The following MACROD2 variants were observed in gnomAD, a reference collection of about 807,000 sequenced individuals.
MACROD2 encodes the protein ADP-ribose glycohydrolase MACROD2.
Under a neutral mutation model 70.4 loss-of-function variants are expected in MACROD2, and 36 were observed. That is an observed-to-expected ratio of 0.51 (90% confidence interval 0.39 to 0.68). The LOEUF is 0.68. Among genes scored for constraint, MACROD2 ranks in the 30% least tolerant of loss-of-function variants. The pLI, the probability that MACROD2 is intolerant of heterozygous loss-of-function variation, is 0.00. For synonymous variants in MACROD2, 172 were observed against 178.8 expected (o/e 0.96, Z 0.30); for missense variants, 496 against 538.4 (o/e 0.92, Z 0.78).
chr20:15,095,198 T>A (rs900478775), intron 5 of MACROD2, among the ~76,000 whole-genome samples: 4 of 146,242 alleles, frequency 2.7e-5, no homozygotes, highest in African/African-American at 1.0e-4. Context: ...TGCCTCAGCC[T>A]CCCCAGTAGC....
intron 2 of MACROD2, among the ~76,000 whole-genome samples, chr20:14,057,793 A>C (rs1330148002): frequency 1.3e-5 from 2 of 152,186 alleles, no homozygotes; most frequent in African/African-American, 4.8e-5. Context: ...AAATGGGTAA[A>C]CAGATTATGG....
At chr20:14,875,109 G>A (rs1160222552) in intron 5 of MACROD2, among the ~76,000 whole-genome samples, 1 of 152,004 alleles carries the variant, frequency 6.6e-6, no homozygotes, top group Non-Finnish European at 1.5e-5. Flanking sequence ...TGGGCTGGGC[G>A]CAGTGGCTCA....
chr20:14,825,111 C>T (rs1001914677), intron 5 of MACROD2, among the ~76,000 whole-genome samples: 12 of 152,194 alleles, frequency 7.9e-5, no homozygotes, highest in African/African-American at 1.9e-4. Flanking sequence ...GCTGCAGGCA[C>T]GTCTGCCCTG....
intron 3 of MACROD2, among the ~76,000 whole-genome samples, chr20:14,378,621 A>C (rs2083394596): frequency 6.6e-6 from 1 of 152,228 alleles, no homozygotes; most frequent in South Asian, 2.1e-4. Context: ...AGCAGTAGGT[A>C]ATAAAAGAGA....
intron 3 of MACROD2, among the ~76,000 whole-genome samples, chr20:14,276,908 A>G (rs529559303): frequency 5.3e-5 from 8 of 152,242 alleles, no homozygotes; most frequent in African/African-American, 1.4e-4. Context: ...CTTCTTCATC[A>G]TTTCTTTCTA....
At chr20:14,142,440 T>G (rs2054888964) in intron 3 of MACROD2, among the ~76,000 whole-genome samples, 1 of 152,194 alleles carries the variant, frequency 6.6e-6, no homozygotes, top group Non-Finnish European at 1.5e-5. Flanking sequence ...TCCCAAGTTA[T>G]TTTCTTTTTG....
chr20:14,375,315 T>C (rs1433119376), intron 3 of MACROD2, among the ~76,000 whole-genome samples: 1 of 152,138 alleles, frequency 6.6e-6, no homozygotes, highest in African/African-American at 2.4e-5. Context: ...AGAATATATA[T>C]ATTTAAAGCT....
At chr20:15,022,890 A>G (rs1389410441) in intron 5 of MACROD2, 1 of 152,226 alleles carries the variant, frequency 6.6e-6, no homozygotes, top group Non-Finnish European at 1.5e-5. Flanking sequence ...AATTGGAACG[A>G]TACAGAGAAT....
intron 3 of MACROD2, among the ~76,000 whole-genome samples, chr20:14,377,028 T>A (rs1287699060): frequency 6.6e-6 from 1 of 152,112 alleles, no homozygotes; most frequent in East Asian, 1.9e-4. Context: ...TAAACAATAA[T>A]AAATATCACT....
rs150934687 is a variant in MACROD2 at position 15,131,539 on chromosome 20, G to C, written c.419-98401G>C. Among the ~76,000 whole-genome samples, 631 of 152,164 alleles carry C rather than the reference G, an allele frequency of 4.1e-3. 4 individuals carry two copies. The highest frequency in any genetic ancestry group is 0.034 in the Middle Eastern group (10 of 294). ...TAGAATAATCATTGATATCATTTAA[G>C]TATAGATGGAAATTAAACGATCATG... On this transcript the variant is annotated intron_variant, in intron 5 of 17. Coordinates refer to ENST00000684519, the MANE Select transcript of MACROD2 (RefSeq NM_001351661.2).
intron 5 of MACROD2, among the ~76,000 whole-genome samples, chr20:14,930,435 T>C (rs1376669457): frequency 2.0e-5 from 3 of 151,848 alleles, no homozygotes; most frequent in Non-Finnish European, 2.9e-5. Context: ...GTGTAGACTC[T>C]GGAGTTCAAC....
chr20:14,899,444 C>A (rs936197312), intron 5 of MACROD2, among the ~76,000 whole-genome samples: 8 of 152,032 alleles, frequency 5.3e-5, no homozygotes, highest in African/African-American at 1.9e-4. Flanking sequence ...CATAGCTATC[C>A]CCTACCTTTT....
intron 5 of MACROD2, among the ~76,000 whole-genome samples, chr20:15,166,921 G>A (rs968156721): frequency 6.7e-6 from 1 of 148,946 alleles, no homozygotes; most frequent in Non-Finnish European, 1.5e-5. Flanking sequence ...TTTAATTTAA[G>A]TATTAAATTT....
intron 8 of MACROD2, among the ~76,000 whole-genome samples, chr20:15,801,879 T>C (rs2063729571): frequency 6.6e-6 from 1 of 152,102 alleles, no homozygotes; most frequent in Admixed American, 6.5e-5. Flanking sequence ...TTTCTTTCAT[T>C]AGTGTTTTCT....
intron 2 of MACROD2, among the ~76,000 whole-genome samples, chr20:14,003,029 A>G (rs1056649277): frequency 6.6e-6 from 1 of 152,214 alleles, no homozygotes. Context: ...GATTTAATGG[A>G]TGTTTAATAT....
At chr20:14,834,205 T>C (rs2073003213) in intron 5 of MACROD2, among the ~76,000 whole-genome samples, 1 of 151,854 alleles carries the variant, frequency 6.6e-6, no homozygotes, top group Non-Finnish European at 1.5e-5. Context: ...AATGGATATA[T>C]TTTAAGAAGA....
At chr20:15,120,402 A>G (rs1327878772) in intron 5 of MACROD2, among the ~76,000 whole-genome samples, 1 of 152,164 alleles carries the variant, frequency 6.6e-6, no homozygotes, top group Non-Finnish European at 1.5e-5. Flanking sequence ...AGGAAAACCA[A>G]CAGACTGAAC....
At chr20:14,015,278 A>G (rs1238815354) in intron 2 of MACROD2, among the ~76,000 whole-genome samples, 4 of 152,118 alleles carry the variant, frequency 2.6e-5, no homozygotes, top group African/African-American at 9.7e-5. Context: ...CAATTTTTTC[A>G]TATTCCCAGA....
intron 5 of MACROD2, among the ~76,000 whole-genome samples, chr20:15,193,205 G>C (rs1435431676): frequency 6.6e-6 from 1 of 152,002 alleles, no homozygotes; most frequent in Admixed American, 6.6e-5. Context: ...AGTTTTCTGA[G>C]TCTATAGAAA....
Sources: allele counts gnomAD v4.1 joint callset (sites outside exome capture counted in the v4.1 genomes callset), GRCh38; gene constraint gnomAD v4.1.1; transcripts MANE v1.5; gene names NCBI Gene and HGNC (gene_info 2026-07-23, HGNC 2026-07-21).